The following TTC39C variants were observed in gnomAD, a reference collection of about 807,000 sequenced individuals.
TTC39C encodes the protein tetratricopeptide repeat protein 39C.
A neutral mutation model predicts 76.3 loss-of-function variants in TTC39C; 33 were observed. The observed-to-expected ratio is 0.43, with a 90% CI of 0.33 to 0.58. The LOEUF is 0.58. TTC39C is among the 20% of genes least tolerant of loss of function. TTC39C has a pLI of 0.04. For missense variants in TTC39C, 595 were observed against 701.4 expected, an observed-to-expected ratio of 0.85 and a Z score of 1.71; for synonymous variants, 254 against 260.6, an observed-to-expected ratio of 0.97 and a Z score of 0.24.
At chr18:24,094,663 A>G (rs2084567065) in intron 6 of TTC39C, among the ~76,000 whole-genome samples, 2 of 152,256 alleles carry the variant, frequency 1.3e-5, no homozygotes, top group African/African-American at 4.8e-5. Flanking sequence ...GGGTGGCCAC[A>G]TACATTATCA....
intron 1 of TTC39C, chr18:24,006,317 A>C (rs2083351915): frequency 6.6e-6 from 1 of 152,142 alleles, no homozygotes; most frequent in Non-Finnish European, 1.5e-5. Context: ...ATTTTTAAAA[A>C]CAAATAAACA....
intron 12 of TTC39C, among the ~76,000 whole-genome samples, 159 bp downstream of exon 12, chr18:24,130,576 A>G (rs1444648830): frequency 1.3e-5 from 2 of 152,176 alleles, no homozygotes; most frequent in African/African-American, 4.8e-5. Flanking sequence ...CCAAGAAGTT[A>G]GTAATACTAC....
At chr18:24,086,929 T>C (rs1246498867) in intron 6 of TTC39C, among the ~76,000 whole-genome samples, 1 of 152,086 alleles carries the variant, frequency 6.6e-6, no homozygotes, top group African/African-American at 2.4e-5. Flanking sequence ...TTTTTTTTTT[T>C]CTTTTGGGGA....
intron 1 of TTC39C, among the ~76,000 whole-genome samples, chr18:24,023,972 A>C (rs56317082): frequency 0.019 from 233 of 12,386 alleles, 7 homozygotes; most frequent in East Asian, 0.037. Flanking sequence ...ATATATATAT[A>C]TATATATACA....
intron 6 of TTC39C, among the ~76,000 whole-genome samples, chr18:24,112,363 G>A (rs1407629037): frequency 6.6e-6 from 1 of 152,178 alleles, no homozygotes; most frequent in Non-Finnish European, 1.5e-5. Flanking sequence ...AGAGGCAGTT[G>A]GGCAGAATTT....
At position 24,082,966 on chromosome 18, in the gene TTC39C, G is replaced by A. The variant is rs1568431125; in HGVS notation, c.869G>A (p.Gly290Asp). The change falls in exon 6 of 14, where the codon GGC (glycine) becomes GAC (aspartate). Residue 290 changes from glycine (G) to aspartate (D), a missense_variant. Coordinates refer to ENST00000317571, the MANE Select transcript of TTC39C (RefSeq NM_001135993.2). Reference sequence around the variant, plus strand: ...GTCCGCCCGTTTTTTGCCTTGGATGGCAGTGATAACAAGGCAGGCCTGGAT... The same window carrying A: ...GTCCGCCCGTTTTTTGCCTTGGATGACAGTGATAACAAGGCAGGCCTGGAT... ...TVVRPFFALD[G>D]SDNKAGLDEA... is the part of the protein sequence containing the mutation. 1 of 1,613,774 alleles carries A rather than the reference G, an allele frequency of 6.2e-7. No homozygotes were observed. The highest frequency in any genetic ancestry group is 8.5e-7 in the Non-Finnish European group (1 of 1,179,800).
chr18:24,022,809 A>G (rs2083533159), intron 1 of TTC39C: 4 of 985,086 alleles, frequency 4.1e-6, no homozygotes, highest in Non-Finnish European at 1.2e-6. Flanking sequence ...TGTCCCTTCC[A>G]TGCTAGTTGT....
At chr18:24,080,518 C>T (rs1417126606) in intron 4 of TTC39C, 67 bp from the exon 5 acceptor site, 1 of 1,236,600 alleles carries the variant, frequency 8.1e-7, no homozygotes, top group African/African-American at 1.5e-5. Flanking sequence ...TGTTCAGTAT[C>T]CTTTACTATA....
chr18:24,020,057 T>C (rs2145651362), intron 1 of TTC39C: 1 of 1,376,856 alleles, frequency 7.3e-7, no homozygotes, highest in East Asian at 2.9e-5. Context: ...AGAATGTGTC[T>C]CTGCCTTGCT....
Position 24,133,404 on chromosome 18 carries a change from G to A in TTC39C, c.*830G>A, listed in dbSNP as rs1229821216. ...ATAGAAGATAATTTTACAACTAAAAGTGTGACTCTTTTGCTAATCTATTAG... is the reference window on the plus strand; with the variant it reads ...ATAGAAGATAATTTTACAACTAAAAATGTGACTCTTTTGCTAATCTATTAG... On this transcript the variant is annotated 3_prime_UTR_variant, in exon 14 of 14. Transcript: ENST00000317571. The A allele has an allele frequency of 2.6e-5, 4 of 152,218 alleles. No individual in the cohort carries two copies. The highest frequency in any genetic ancestry group is 7.2e-5 in the African/African-American group (3 of 41,462). 9.4% of individuals were successfully genotyped at this position (152,218 alleles called of 1,614,324 possible).
chr18:24,019,139 G>A (rs1291974873), intron 1 of TTC39C, among the ~76,000 whole-genome samples: 3 of 152,168 alleles, frequency 2.0e-5, no homozygotes, highest in African/African-American at 2.4e-5. Context: ...CCTGAGGAGC[G>A]TGAGACGTTT....
chr18:23,993,891 C>T (rs2145618592), intron 1 of TTC39C, among the ~76,000 whole-genome samples: 1 of 152,252 alleles, frequency 6.6e-6, no homozygotes, highest in East Asian at 1.9e-4. Flanking sequence ...AATGGCAAAA[C>T]TGCAATTACT....
chr18:24,118,706 G>T (rs1396113602), intron 8 of TTC39C, among the ~76,000 whole-genome samples: 1 of 149,124 alleles, frequency 6.7e-6, no homozygotes, highest in Non-Finnish European at 1.5e-5. Context: ...AGGTTGAAGT[G>T]CAGTGGCCTG....
chr18:24,053,919 G>A (rs2083983906), intron 1 of TTC39C, among the ~76,000 whole-genome samples: 1 of 152,134 alleles, frequency 6.6e-6, no homozygotes, highest in Non-Finnish European at 1.5e-5. Flanking sequence ...AGTTAGCTAA[G>A]TAGAGAGATT....
At chr18:24,059,312 A>G (rs989719307) in intron 1 of TTC39C, among the ~76,000 whole-genome samples, 4 of 152,212 alleles carry the variant, frequency 2.6e-5, no homozygotes, top group African/African-American at 9.7e-5. Flanking sequence ...TTCATCACCC[A>G]GGTATTAAGC....
At chr18:24,031,178 G>A (rs1050138215) in intron 1 of TTC39C, among the ~76,000 whole-genome samples, 3 of 150,232 alleles carry the variant, frequency 2.0e-5, no homozygotes, top group Admixed American at 2.0e-4. Context: ...GGCTGGTCTC[G>A]AACTCCTGAC....
intron 6 of TTC39C, among the ~76,000 whole-genome samples, chr18:24,107,047 G>A (rs9948370): frequency 0.076 from 11,573 of 152,078 alleles, 916 homozygotes; most frequent in East Asian, 0.27. Flanking sequence ...CCTTGTTTCC[G>A]TTTCTATTCT....
chr18:24,116,325 C>T (rs2084891104), intron 7 of TTC39C, among the ~76,000 whole-genome samples: 1 of 152,184 alleles, frequency 6.6e-6, no homozygotes, highest in Non-Finnish European at 1.5e-5. Context: ...GGCAGATCGC[C>T]TAAAGCCAGG....
At chr18:24,027,195 G>A (rs1274473679) in intron 1 of TTC39C, among the ~76,000 whole-genome samples, 3 of 152,084 alleles carry the variant, frequency 2.0e-5, no homozygotes, top group Non-Finnish European at 2.9e-5. Context: ...AGGAAGCTGA[G>A]GCAGGAGAAT....
Sources: allele counts gnomAD v4.1 joint callset (sites outside exome capture counted in the v4.1 genomes callset), GRCh38; gene constraint gnomAD v4.1.1; transcripts MANE v1.5; gene names NCBI Gene and HGNC (gene_info 2026-07-23, HGNC 2026-07-21).